The following HPSE2 variants were observed in gnomAD, a reference collection of about 807,000 sequenced individuals.
HPSE2 encodes the protein heparanase 2 (inactive).
HPSE2 carries 38 observed loss-of-function variants against 60.5 expected under a neutral mutation model. The ratio of observed to expected loss-of-function variants is 0.63; its 90% CI spans 0.48 to 0.82. The LOEUF (loss-of-function observed/expected upper bound fraction) is 0.82, where lower values mean the gene tolerates loss of function less well. Ranked by LOEUF, HPSE2 falls within the 40% of genes least tolerant of loss-of-function variation. The pLI, the probability that HPSE2 is intolerant of heterozygous loss-of-function variation, is 0.00. For synonymous variants in HPSE2, 295 were observed against 293.2 expected, an observed-to-expected ratio of 1.01 and a Z score of -0.06; for missense variants, 713 against 740.4, an observed-to-expected ratio of 0.96 and a Z score of 0.43.
At chr10:99,082,837 G>C (rs1201266691) in intron 3 of HPSE2, among the ~76,000 whole-genome samples, 1 of 152,124 alleles carries the variant, frequency 6.6e-6, no homozygotes, top group Non-Finnish European at 1.5e-5. Flanking sequence ...TTAAGGCTTA[G>C]AGCCTTAACA....
rs1941586360 is a variant in HPSE2, at chr10:98,490,086, T to C, written c.1431A>G (p.Lys477=). ...KPRPGRVIRD[K]LRIYAHCTNH... is the part of the protein sequence containing the mutation. ...TTGTGCAGTGAGCATAAATCCTTAGTTTGTCCCGGATCACTCGGCCAGGCC... is the reference window on the plus strand; with the variant it reads ...TTGTGCAGTGAGCATAAATCCTTAGCTTGTCCCGGATCACTCGGCCAGGCC... Residue 477 remains lysine (K), a synonymous_variant, in exon 10 of 12, where the codon AAA becomes AAG. Coordinates refer to ENST00000370552, the MANE Select transcript of HPSE2 (RefSeq NM_021828.5). 1.2e-6 allele frequency: 2 copies of C among 1,614,240 alleles called. No individual in the cohort carries two copies. The highest frequency in any genetic ancestry group is 1.1e-5 in the South Asian group (1 of 91,088).
intron 2 of HPSE2, among the ~76,000 whole-genome samples, chr10:99,181,397 CAAAAAAA>C (rs58049545): frequency 1.0e-4 from 11 of 104,768 alleles, no homozygotes; most frequent in African/African-American, 3.8e-4. Context: ...GACTCCGTCT[CAAAAAAA>C]AAAAAAAAAA....
intron 3 of HPSE2, among the ~76,000 whole-genome samples, chr10:98,986,504 G>C (rs2135321351): frequency 6.6e-6 from 1 of 150,724 alleles, no homozygotes; most frequent in African/African-American, 2.4e-5. Context: ...TGTGTAGAGG[G>C]AAATTTATAG....
At chr10:98,616,892 T>C (rs551281128) in intron 8 of HPSE2, among the ~76,000 whole-genome samples, 33 of 152,334 alleles carry the variant, frequency 2.2e-4, no homozygotes, top group African/African-American at 7.7e-4. Context: ...GTTTAGCTTT[T>C]CCTTTAGCCA....
rs190102800 is a variant in HPSE2 at position 99,113,697 on chromosome 10, A to G, written c.610+30541T>C. Among the ~76,000 whole-genome samples the G allele has an allele frequency of 3.3e-3, 508 of 152,328 alleles. 2 individuals are homozygous for G. Among genetic ancestry groups the G allele is most frequent in the African/African-American group, 0.012 (486 of 41,576 alleles). On this transcript the variant is annotated intron_variant, in intron 3 of 11. Coordinates refer to ENST00000370552, the MANE Select transcript of HPSE2 (RefSeq NM_021828.5). ...AAACTTTCAATAAGATTCATGAAAT[A>G]TAACAAATGTAAATCCAAGTTTCAA...
At chr10:99,075,454 C>A (rs949460179) in intron 3 of HPSE2, among the ~76,000 whole-genome samples, 8 of 152,118 alleles carry the variant, frequency 5.3e-5, no homozygotes, top group African/African-American at 1.9e-4. Flanking sequence ...AACATATTAT[C>A]TAGCCTGGAG....
At chr10:99,102,223 A>G (rs1844029310) in intron 3 of HPSE2, among the ~76,000 whole-genome samples, 1 of 152,170 alleles carries the variant, frequency 6.6e-6, no homozygotes, top group African/African-American at 2.4e-5. Context: ...AACAAAATTG[A>G]TAGACCACTA....
chr10:98,508,850 G>A (rs1364132476), intron 9 of HPSE2, among the ~76,000 whole-genome samples: 3 of 152,174 alleles, frequency 2.0e-5, no homozygotes, highest in African/African-American at 7.2e-5. Context: ...GCAATAGTGG[G>A]ACAAGATGAG....
chr10:98,997,490 G>T (rs1956675980), intron 3 of HPSE2, among the ~76,000 whole-genome samples: 1 of 152,132 alleles, frequency 6.6e-6, no homozygotes, highest in Admixed American at 6.6e-5. Context: ...GCTTGTTATA[G>T]ATTTTGAAAG....
intron 3 of HPSE2, among the ~76,000 whole-genome samples, chr10:98,879,487 G>C (rs568930642): frequency 6.6e-6 from 1 of 151,972 alleles, no homozygotes; most frequent in Middle Eastern, 3.2e-3. Context: ...TGGTGAGGAC[G>C]CACTTTTTCC....
chr10:99,117,121 T>A (rs1783881293), intron 3 of HPSE2, among the ~76,000 whole-genome samples: 1 of 151,946 alleles, frequency 6.6e-6, no homozygotes, highest in East Asian at 1.9e-4. Context: ...AAGATTTCTA[T>A]CCTTAATAAA....
At chr10:98,728,105 A>G (rs1321754201) in intron 4 of HPSE2, among the ~76,000 whole-genome samples, 15 of 152,240 alleles carry the variant, frequency 9.9e-5, no homozygotes, top group African/African-American at 3.4e-4. Flanking sequence ...TCAAAATCAC[A>G]CAAAGAAATA....
chr10:98,793,036 TC>T (rs1950693224), intron 3 of HPSE2, among the ~76,000 whole-genome samples: 1 of 152,214 alleles, frequency 6.6e-6, no homozygotes, highest in Non-Finnish European at 1.5e-5. Context: ...GTATAGGCCC[TC>T]AGGCCAATGG....
intron 3 of HPSE2, among the ~76,000 whole-genome samples, chr10:99,018,425 G>A (rs1473983413): frequency 6.6e-6 from 1 of 152,180 alleles, no homozygotes; most frequent in African/African-American, 2.4e-5. Flanking sequence ...ATGCTTCCAA[G>A]CCTCATGGGC....
the HPSE2 span, among the ~76,000 whole-genome samples, chr10:99,281,353 C>T: frequency 2.1e-4 from 8 of 38,072 alleles, no homozygotes; most frequent in African/African-American, 1.3e-3. Flanking sequence ...AGTGTTATAT[C>T]GAGAGATTCA....
intron 2 of HPSE2, among the ~76,000 whole-genome samples, chr10:99,163,217 A>C (rs1269699103): frequency 6.6e-6 from 1 of 152,128 alleles, no homozygotes; most frequent in Non-Finnish European, 1.5e-5. Context: ...TCTCAAAAAA[A>C]AAAAAAATAG....
At chr10:98,803,803 G>A (rs537190535) in intron 3 of HPSE2, among the ~76,000 whole-genome samples, 8,904 of 150,036 alleles carry the variant, frequency 0.059, 851 homozygotes, top group African/African-American at 0.2. Context: ...TTGGCGATGC[G>A]GGCTCTTTTT....
chr10:98,791,621 A>G (rs1011773629), intron 3 of HPSE2, among the ~76,000 whole-genome samples: 2 of 152,184 alleles, frequency 1.3e-5, no homozygotes, highest in Admixed American at 6.5e-5. Context: ...TATAAAACAA[A>G]CGCAGTTGTG....
chr10:99,257,942 C>A, the HPSE2 span, among the ~76,000 whole-genome samples: 1 of 152,066 alleles, frequency 6.6e-6, no homozygotes, highest in Non-Finnish European at 1.5e-5. Flanking sequence ...ACCTACGTGA[C>A]TATCGGGGAC....
Sources: allele counts gnomAD v4.1 joint callset (sites outside exome capture counted in the v4.1 genomes callset), GRCh38; gene constraint gnomAD v4.1.1; transcripts MANE v1.5; gene names NCBI Gene and HGNC (gene_info 2026-07-23, HGNC 2026-07-21).